The following LRP1-AS variants were observed in gnomAD, a reference collection of about 807,000 sequenced individuals.
LRP1-AS encodes LRP1 antisense RNA.
rs2035379021 is a variant in LRP1-AS at position 57,145,218 on chromosome 12, C to T, written n.182-135G>A. On this transcript the variant is annotated intron_variant and non_coding_transcript_variant, in intron 1 of 1. Transcript: ENST00000555461. ...TGGCTGCACGGACTCTTCTCTTCCC[C>T]ATTCCCAGAGCCAGTAGACCGGCCC... The T allele has an allele frequency of 1.9e-6, 3 of 1,614,086 alleles. No homozygotes were observed. The East Asian group carries it at 6.7e-5, about 36-fold the overall frequency.
chr12:57,145,520 T>A, intron 1 of LRP1-AS: 1 of 1,606,892 alleles, frequency 6.2e-7, no homozygotes, highest in Non-Finnish European at 8.5e-7. Context: ...CTTGGAGGGC[T>A]GGGGAGGGTA....
exon 2 of LRP1-AS, chr12:57,144,829 C>A: frequency 1.2e-6 from 1 of 815,268 alleles, no homozygotes; most frequent in Non-Finnish European, 2.0e-6. Context: ...TTAAGGTTTG[C>A]ACATTTCATG....
intron 1 of LRP1-AS, chr12:57,145,528 G>T (rs774591893): frequency 1.9e-6 from 3 of 1,603,032 alleles, no homozygotes; most frequent in Non-Finnish European, 2.6e-6. Context: ...GCTGGGGAGG[G>T]TAGGGGAGAC....
chr12:57,146,765 G>A (rs996874550), intron 1 of LRP1-AS: 3 of 152,554 alleles, frequency 2.0e-5, no homozygotes, highest in African/African-American at 7.2e-5. Flanking sequence ...CTGAGCTGGG[G>A]GCTGTCAAGC....
chr12:57,146,391 G>A (rs1461366139), intron 1 of LRP1-AS: 1 of 152,158 alleles, frequency 6.6e-6, no homozygotes, highest in Non-Finnish European at 1.5e-5. Flanking sequence ...CTGCATAATG[G>A]GTTTGAGCTT....
At chr12:57,147,201 C>T (rs1470876953) in intron 1 of LRP1-AS, among the ~76,000 whole-genome samples, 1 of 151,608 alleles carries the variant, frequency 6.6e-6, no homozygotes, top group East Asian at 2.0e-4. Flanking sequence ...TCTCTCATCC[C>T]AGCTTCTGTC....
At chr12:57,145,618 T>C (rs1042787083) in intron 1 of LRP1-AS, 3 of 1,206,090 alleles carry the variant, frequency 2.5e-6, no homozygotes. Flanking sequence ...AGCAGGAGGC[T>C]GGATACAATG....
Position 57,144,626 on chromosome 12 carries a change from T to C in LRP1-AS, n.639A>G, listed in dbSNP as rs993775129. On this transcript the variant is annotated non_coding_transcript_exon_variant, in exon 2 of 2. Coordinates refer to ENST00000555461, the Ensembl canonical transcript of LRP1-AS. Reference sequence around the variant, plus strand: ...ATTTACTTTGTTTCATATGTTATTATAGTAACTATATTTCATTTATTATCT... The same window carrying C: ...ATTTACTTTGTTTCATATGTTATTACAGTAACTATATTTCATTTATTATCT... 2.9e-5 allele frequency: 8 copies of C among 273,002 alleles called. No individual in the cohort carries two copies. The East Asian group carries it at 6.1e-4, about 21-fold the overall frequency. 16.9% of individuals were successfully genotyped at this position (273,002 alleles called of 1,614,324 possible).
chr12:57,147,275 A>G (rs1354103465), intron 1 of LRP1-AS, among the ~76,000 whole-genome samples: 4 of 151,690 alleles, frequency 2.6e-5, no homozygotes, highest in Admixed American at 1.3e-4. Context: ...TGTCACCCTG[A>G]GGATGGTTGT....
At chr12:57,145,627 T>C (rs1230881880) in intron 1 of LRP1-AS, 4 of 1,166,114 alleles carry the variant, frequency 3.4e-6, no homozygotes, top group Non-Finnish European at 4.9e-6. Flanking sequence ...CTGGATACAA[T>C]GGTGTGTGTT....
chr12:57,146,130 G>T (rs2035401148), intron 1 of LRP1-AS, among the ~76,000 whole-genome samples: 1 of 152,142 alleles, frequency 6.6e-6, no homozygotes, highest in South Asian at 2.1e-4. Flanking sequence ...GGAAGAAGGG[G>T]TGTCACAGAA....
At position 57,144,870 on chromosome 12, in the gene LRP1-AS, A is replaced by G. The variant is rs542439286; in HGVS notation, n.395T>C. 6.7e-6 allele frequency: 8 copies of G among 1,186,530 alleles called. No homozygotes were observed. The Admixed American group carries it at 1.2e-4, about 18-fold the overall frequency. 73.5% of individuals were successfully genotyped at this position (1,186,530 alleles called of 1,614,324 possible). ...ATAGATTCTGCCGAACTGTCCTTCA[A>G]GGTAGCTGTAAGGATGGACATGTTG... is the stretch of plus-strand genomic sequence containing the variant. On this transcript the variant is annotated non_coding_transcript_exon_variant, in exon 2 of 2. Coordinates refer to ENST00000555461, the Ensembl canonical transcript of LRP1-AS.
At chr12:57,145,709 T>C (rs912727495) in intron 1 of LRP1-AS, among the ~76,000 whole-genome samples, 4 of 152,132 alleles carry the variant, frequency 2.6e-5, no homozygotes, top group African/African-American at 9.7e-5. Context: ...GCCCCTGCAT[T>C]TCTGGCCAAG....
chr12:57,147,419 G>A (rs1039739385), intron 1 of LRP1-AS: 4 of 152,336 alleles, frequency 2.6e-5, no homozygotes, highest in African/African-American at 9.7e-5. Flanking sequence ...TGTGTAGGGT[G>A]GCTGGTCCCA....
intron 1 of LRP1-AS, chr12:57,145,330 G>A (rs149364490): frequency 1.7e-5 from 28 of 1,614,034 alleles, no homozygotes; most frequent in Non-Finnish European, 1.9e-5. Context: ...CTACGAGCAC[G>A]CGGCAGACCA....
chr12:57,145,292 A>G (rs776390914), intron 1 of LRP1-AS: 12 of 1,614,082 alleles, frequency 7.4e-6, no homozygotes, highest in Non-Finnish European at 1.0e-5. Flanking sequence ...CACGTACCTG[A>G]GTGGGGCCCA....
chr12:57,145,917 C>T (rs2035396495), intron 1 of LRP1-AS, among the ~76,000 whole-genome samples: 1 of 152,148 alleles, frequency 6.6e-6, no homozygotes, highest in East Asian at 1.9e-4. Flanking sequence ...GCTCTGTCTC[C>T]ATGGGCCATC....
exon 1 of LRP1-AS, chr12:57,147,591 G>A (rs950329140): frequency 6.6e-6 from 1 of 152,228 alleles, no homozygotes. Flanking sequence ...TGGACCCCTG[G>A]GGCTGAGCCT....
chr12:57,145,037 A>T, exon 2 of LRP1-AS: 2 of 1,614,070 alleles, frequency 1.2e-6, no homozygotes, highest in Non-Finnish European at 1.7e-6. Flanking sequence ...CGGCTCCTTC[A>T]TATGTGGCTG....
Sources: allele counts gnomAD v4.1 joint callset (sites outside exome capture counted in the v4.1 genomes callset), GRCh38; gene constraint gnomAD v4.1.1; transcripts MANE v1.5; gene names NCBI Gene and HGNC (gene_info 2026-07-23, HGNC 2026-07-21).